PRKCZ: variants seen among roughly 807,000 people sequenced by gnomAD.
PRKCZ encodes protein kinase C zeta.
A neutral mutation model predicts 79.5 loss-of-function variants in PRKCZ; 33 were observed. The ratio of observed to expected loss-of-function variants is 0.41; its 90% CI spans 0.31 to 0.55. The LOEUF is 0.55. Ranked by LOEUF, PRKCZ falls within the 20% of genes least tolerant of loss-of-function variation. PRKCZ has a pLI of 0.19. For synonymous variants in PRKCZ, 342 were observed against 320.9 expected, an observed-to-expected ratio of 1.07 and a Z score of -0.70; for missense variants, 578 against 813.5, an observed-to-expected ratio of 0.71 and a Z score of 3.52.
At chr1:2,057,304 C>T (rs367897390) in intron 3 of PRKCZ, among the ~76,000 whole-genome samples, 7 of 152,334 alleles carry the variant, frequency 4.6e-5, no homozygotes, top group South Asian at 4.1e-4. Flanking sequence ...GGCTCCTCCC[C>T]GGTACTGCTG....
At chr1:2,081,804 C>T (rs1202908359) in intron 4 of PRKCZ, among the ~76,000 whole-genome samples, 4 of 152,076 alleles carry the variant, frequency 2.6e-5, no homozygotes, top group African/African-American at 9.7e-5. Context: ...GCACGCCCCC[C>T]ACACCCCACC....
intron 10 of PRKCZ, among the ~76,000 whole-genome samples, chr1:2,161,174 C>A (rs1682213691): frequency 6.6e-6 from 1 of 152,242 alleles, no homozygotes; most frequent in African/African-American, 2.4e-5. Flanking sequence ...CCGCCTCAGC[C>A]TTTGTTCTGC....
chr1:2,131,973 G>A lies in PRKCZ; in HGVS notation c.335-3289G>A, dbSNP rs1055074070. 5.3e-5 allele frequency among the ~76,000 whole-genome samples: 8 copies of A among 152,222 alleles called. No homozygotes were observed. The East Asian group carries it at 5.8e-4, about 11-fold the overall frequency. ...ACTACAGGCGCCCACCACCACACCC[G>A]ACTAATTTTTTGTATTTTTAGTAGA... On this transcript the variant is annotated intron_variant, in intron 4 of 17. Transcript: ENST00000378567.
chr1:2,088,637 A>G (rs1424005280), intron 4 of PRKCZ, among the ~76,000 whole-genome samples: 1 of 152,142 alleles, frequency 6.6e-6, no homozygotes, highest in Non-Finnish European at 1.5e-5. Context: ...TCCTGTGTGG[A>G]ATGTCACCTC....
chr1:2,146,270 A>G (rs895025383), intron 7 of PRKCZ, among the ~76,000 whole-genome samples, 162 bp downstream of exon 7: 1 of 152,134 alleles, frequency 6.6e-6, no homozygotes, highest in Admixed American at 6.5e-5. Context: ...GAGGCTCTCC[A>G]GGGCCTCCTC....
intron 4 of PRKCZ, among the ~76,000 whole-genome samples, chr1:2,069,784 G>T (rs547584899): frequency 7.9e-5 from 12 of 152,310 alleles, no homozygotes; most frequent in Admixed American, 7.8e-4. Flanking sequence ...GATGCTATAG[G>T]CAGCAGCCCC....
intron 7 of PRKCZ, among the ~76,000 whole-genome samples, chr1:2,147,961 C>T (rs1466817206): frequency 6.6e-6 from 1 of 150,526 alleles, no homozygotes; most frequent in South Asian, 2.1e-4. Flanking sequence ...GTCCACTGAC[C>T]TCTCCATCTA....
At position 2,112,616 on chromosome 1, in the gene PRKCZ, A is replaced by C. The variant is rs74046926; in HGVS notation, c.335-22646A>C. Among the ~76,000 whole-genome samples the C allele has an allele frequency of 2.0e-3, 300 of 152,116 alleles. 1 individual carries two copies. Among genetic ancestry groups the C allele is most frequent in the African/African-American group, 6.9e-3 (288 of 41,462 alleles). ...CCTGTAATCATCACAGTACTCAAAA[A>C]AGGAAGAAGAAAAAGGTCCTTGAAA... On this transcript the variant is annotated intron_variant, in intron 4 of 17. Coordinates refer to ENST00000378567, the MANE Select transcript of PRKCZ (RefSeq NM_002744.6).
intron 11 of PRKCZ, among the ~76,000 whole-genome samples, chr1:2,169,824 G>T (rs1183174003): frequency 2.7e-5 from 4 of 149,838 alleles, no homozygotes; most frequent in Admixed American, 1.3e-4. Context: ...ACGTGGAGGG[G>T]GCCGGGGACC....
intron 4 of PRKCZ, among the ~76,000 whole-genome samples, chr1:2,087,035 G>A (rs1664645714): frequency 6.6e-6 from 1 of 152,076 alleles, no homozygotes; most frequent in African/African-American, 2.4e-5. Context: ...ATGGTCAGTT[G>A]GCTTTATTTG....
intron 16 of PRKCZ, among the ~76,000 whole-genome samples, chr1:2,183,093 T>C (rs1333251904): frequency 1.3e-5 from 2 of 152,100 alleles, no homozygotes; most frequent in Non-Finnish European, 2.9e-5. Flanking sequence ...TAGCCAGGCG[T>C]GGTGGCGGGC....
chr1:2,117,998 C>CCT lies in PRKCZ; in HGVS notation c.335-17264_335-17263insCT, dbSNP rs58233626. Among the ~76,000 whole-genome samples, 35 of 65,088 alleles carry CCT rather than the reference C, an allele frequency of 5.4e-4. 3 individuals carry two copies. The highest frequency in any genetic ancestry group is 1.5e-3 in the African/African-American group (25 of 16,196). The allele number at this position is 65,088 out of a possible 152,430, so 42.7% of individuals were successfully genotyped here. On this transcript the variant is annotated intron_variant, in intron 4 of 17. Transcript: ENST00000378567. ...TATGAGAGAGATTAGCCTATTATTT[C>CCT]TTTTTTTTTTTTTTTTGGAGTCTCA...
At position 2,175,574 on chromosome 1, in the gene PRKCZ, C is replaced by T. The variant is rs576972014; in HGVS notation, c.1575+261C>T. Among the ~76,000 whole-genome samples, 1,239 of 127,662 alleles carry T rather than the reference C, an allele frequency of 9.7e-3. 10 individuals carry two copies. Among genetic ancestry groups the T allele is most frequent in the African/African-American group, 0.023 (873 of 37,458 alleles). The allele number at this position is 127,662 out of a possible 152,430, so 83.8% of individuals were successfully genotyped here. ...CCACTCCAACCCCTACACCCCCAACCCCTCCAACCCCTATAATCTGGTGGA... is the reference window on the plus strand; with the variant it reads ...CCACTCCAACCCCTACACCCCCAACTCCTCCAACCCCTATAATCTGGTGGA... On this transcript the variant is annotated intron_variant, in intron 16 of 17. Transcript: ENST00000378567.
chr1:2,065,919 G>GT (rs929478735), intron 4 of PRKCZ, among the ~76,000 whole-genome samples: 6 of 151,638 alleles, frequency 4.0e-5, no homozygotes, highest in Admixed American at 6.6e-5. Context: ...ACGATCATGT[G>GT]TTTTTTTTAC....
At position 2,050,523 on chromosome 1, in the gene PRKCZ, C is replaced by A; in HGVS notation, c.-108C>A. On this transcript the variant is annotated 5_prime_UTR_variant, in exon 1 of 18. In the 5' UTR this introduces an upstream ATG that the reference lacks. Coordinates refer to ENST00000378567, the MANE Select transcript of PRKCZ (RefSeq NM_002744.6). ...GTTGACCGGGTCGGCGCCGTCGGTC[C>A]TGAGCGCTGCCTTCCGCGTTCCGCC... 1 of 681,246 alleles carries A rather than the reference C, an allele frequency of 1.5e-6. No homozygotes were observed. The highest frequency in any genetic ancestry group is 2.0e-6 in the Non-Finnish European group (1 of 499,264). 42.2% of individuals were successfully genotyped at this position (681,246 alleles called of 1,614,324 possible).
chr1:2,132,311 G>A (rs1675143133), intron 4 of PRKCZ, among the ~76,000 whole-genome samples: 2 of 152,208 alleles, frequency 1.3e-5, no homozygotes, highest in Non-Finnish European at 2.9e-5. Context: ...CTTGTCCACA[G>A]ACCTTGAGGT....
chr1:2,135,044 C>T (rs1675893226), intron 4 of PRKCZ: 1 of 463,576 alleles, frequency 2.2e-6, no homozygotes, highest in African/African-American at 2.0e-5. Flanking sequence ...CACACCTGGG[C>T]CTCTGTCTCC....
At chr1:2,134,521 G>A (rs531124675) in intron 4 of PRKCZ, among the ~76,000 whole-genome samples, 1 of 152,188 alleles carries the variant, frequency 6.6e-6, no homozygotes, top group Admixed American at 6.5e-5. Flanking sequence ...AAGACCAGCC[G>A]TCTGGTTACA....
At position 2,171,068 on chromosome 1, in the gene PRKCZ, C is replaced by T. The variant is rs144916569; in HGVS notation, c.1062-987C>T. Among the ~76,000 whole-genome samples the T allele has an allele frequency of 2.2e-3, 332 of 152,262 alleles. 1 individual carries two copies. The highest frequency in any genetic ancestry group is 6.8e-3 in the South Asian group (33 of 4,828). ...TATTTAGGCCGGGCGTGGTGGCTCA[C>T]GCCTGTAATCCCAGCACTTTGAGAG... is the stretch of plus-strand genomic sequence containing the variant. On this transcript the variant is annotated intron_variant, in intron 11 of 17. Coordinates refer to ENST00000378567, the MANE Select transcript of PRKCZ (RefSeq NM_002744.6).
Sources: allele counts gnomAD v4.1 joint callset (sites outside exome capture counted in the v4.1 genomes callset), GRCh38; gene constraint gnomAD v4.1.1; transcripts MANE v1.5; gene names NCBI Gene and HGNC (gene_info 2026-07-23, HGNC 2026-07-21).